The following CDK6 variants were observed in gnomAD, a reference collection of about 807,000 sequenced individuals.
CDK6 encodes cyclin dependent kinase 6.
A neutral mutation model predicts 37.1 loss-of-function variants in CDK6; 6 were observed. That is an observed-to-expected ratio of 0.16 (90% CI 0.09 to 0.32). CDK6 has a LOEUF of 0.32. CDK6 is among the 10% of genes least tolerant of loss of function. CDK6 has a pLI of 1.00. For synonymous variants in CDK6, 160 were observed against 161.3 expected, an observed-to-expected ratio of 0.99 and a Z score of 0.06; for missense variants, 224 against 418.9, an observed-to-expected ratio of 0.53 and a Z score of 4.06.
intron 2 of CDK6, among the ~76,000 whole-genome samples, chr7:92,830,036 C>T (rs1220671618): frequency 1.3e-5 from 2 of 152,172 alleles, no homozygotes; most frequent in African/African-American, 4.8e-5. Flanking sequence ...AATTTTATCT[C>T]TATTGTTTTT....
At chr7:92,822,894 C>T (rs1168185046) in intron 2 of CDK6, among the ~76,000 whole-genome samples, 1 of 151,956 alleles carries the variant, frequency 6.6e-6, no homozygotes, top group Non-Finnish European at 1.5e-5. Flanking sequence ...TATCAAGAAA[C>T]TTCAGATCTA....
intron 2 of CDK6, among the ~76,000 whole-genome samples, chr7:92,785,404 T>C (rs1800102301): frequency 6.6e-6 from 1 of 152,084 alleles, no homozygotes; most frequent in South Asian, 2.1e-4. Flanking sequence ...TGTGGAGGAA[T>C]GGGGACTGAT....
intron 3 of CDK6, among the ~76,000 whole-genome samples, chr7:92,731,865 T>A (rs1798659272): frequency 6.6e-6 from 1 of 152,164 alleles, no homozygotes; most frequent in Admixed American, 6.5e-5. Flanking sequence ...TACCTCATCA[T>A]AATGGCTATT....
At chr7:92,745,510 G>A (rs1584043998) in intron 3 of CDK6, among the ~76,000 whole-genome samples, 1 of 152,104 alleles carries the variant, frequency 6.6e-6, no homozygotes, top group African/African-American at 2.4e-5. Context: ...TGATGCCTGC[G>A]AACAGTGACT....
At chr7:92,741,069 T>G (rs548773825) in intron 3 of CDK6, among the ~76,000 whole-genome samples, 1 of 152,180 alleles carries the variant, frequency 6.6e-6, no homozygotes, top group African/African-American at 2.4e-5. Context: ...AGTAAAAAAA[T>G]GAAGACAGCT....
At chr7:92,731,545 CA>C (rs1798650258) in intron 3 of CDK6, among the ~76,000 whole-genome samples, 1 of 152,152 alleles carries the variant, frequency 6.6e-6, no homozygotes, top group Non-Finnish European at 1.5e-5. Flanking sequence ...TCAGGAGAAA[CA>C]AAGGCATGGG....
chr7:92,617,893 A>G (rs1228391968), intron 7 of CDK6, among the ~76,000 whole-genome samples, 179 bp downstream of exon 7: 1 of 152,240 alleles, frequency 6.6e-6, no homozygotes, highest in Non-Finnish European at 1.5e-5. Context: ...AAAAGCCACC[A>G]GCTGCTACAA....
intron 3 of CDK6, among the ~76,000 whole-genome samples, chr7:92,752,526 G>A (rs546872521): frequency 6.6e-6 from 1 of 152,306 alleles, no homozygotes; most frequent in East Asian, 1.9e-4. Context: ...TTTTTCCCAT[G>A]AGAACTCAGT....
chr7:92,619,314 A>G (rs1795752715), intron 6 of CDK6, among the ~76,000 whole-genome samples: 1 of 152,214 alleles, frequency 6.6e-6, no homozygotes. Flanking sequence ...TATACATTGT[A>G]TAGATATTAT....
intron 4 of CDK6, among the ~76,000 whole-genome samples, chr7:92,713,879 A>G (rs1798159781): frequency 6.6e-6 from 1 of 152,186 alleles, no homozygotes; most frequent in Non-Finnish European, 1.5e-5. Flanking sequence ...ATGGATGCAG[A>G]TACAAACCAC....
intron 4 of CDK6, among the ~76,000 whole-genome samples, chr7:92,682,625 G>A (rs940688286): frequency 6.6e-6 from 1 of 152,176 alleles, no homozygotes; most frequent in Non-Finnish European, 1.5e-5. Flanking sequence ...TATAAAGCAA[G>A]CATAAAATAA....
chr7:92,744,885 C>A (rs1391265275), intron 3 of CDK6, among the ~76,000 whole-genome samples: 1 of 151,986 alleles, frequency 6.6e-6, no homozygotes, highest in Non-Finnish European at 1.5e-5. Flanking sequence ...TAGTACACTG[C>A]AAGAGACTCA....
intron 3 of CDK6, among the ~76,000 whole-genome samples, chr7:92,729,464 A>G (rs536588592): frequency 6.6e-6 from 1 of 151,998 alleles, no homozygotes; most frequent in Non-Finnish European, 1.5e-5. Context: ...TGGGACCCTC[A>G]CTCTATCTTT....
intron 6 of CDK6, among the ~76,000 whole-genome samples, chr7:92,619,829 T>C (rs904947952): frequency 6.6e-6 from 1 of 151,832 alleles, no homozygotes; most frequent in South Asian, 2.1e-4. Flanking sequence ...TAAATAGAAA[T>C]GACAATGAGC....
At chr7:92,825,662 G>A (rs995858878) in intron 2 of CDK6, among the ~76,000 whole-genome samples, 7 of 152,044 alleles carry the variant, frequency 4.6e-5, no homozygotes, top group African/African-American at 1.4e-4. Context: ...GAAATTATTA[G>A]GAAGGTTTTA....
rs1800004739 is a variant in CDK6, at chr7:92,782,000, G to GT, written c.234-7170dup. 3.3e-5 allele frequency among the ~76,000 whole-genome samples: 5 copies of GT among 152,220 alleles called. No individual in the cohort carries two copies. The South Asian group carries it at 1.0e-3, about 32-fold the overall frequency. The stretch of plus-strand genomic sequence containing the variant: ...ACTTATTCTCAACCAGCACCAAATG[G>GT]TATAGCTCCAGGAGTATTTGCCACC... On this transcript the variant is annotated intron_variant, in intron 2 of 7. Transcript: ENST00000424848.
At chr7:92,724,951 T>G (rs1389206464) in intron 4 of CDK6, 2 of 888,218 alleles carry the variant, frequency 2.3e-6, no homozygotes, top group Admixed American at 1.2e-4. Flanking sequence ...TGAGAAATAA[T>G]GAACTATATG....
At chr7:92,623,505 T>C (rs1052898644) in intron 5 of CDK6, among the ~76,000 whole-genome samples, 5 of 152,196 alleles carry the variant, frequency 3.3e-5, no homozygotes, top group Non-Finnish European at 7.3e-5. Flanking sequence ...ATCAGAGTAC[T>C]TCCTCATGGG....
intron 3 of CDK6, among the ~76,000 whole-genome samples, chr7:92,736,289 C>T (rs1773518788): frequency 1.3e-5 from 2 of 151,972 alleles, no homozygotes; most frequent in African/African-American, 4.8e-5. Context: ...AAATTGCTAC[C>T]ACTTATTCAA....
Sources: gnomAD v4.1 joint callset for allele counts (sites outside exome capture counted in the v4.1 genomes callset) on GRCh38, gnomAD v4.1.1 for gene constraint, MANE v1.5 for transcripts, NCBI Gene and HGNC (gene_info 2026-07-23, HGNC 2026-07-21) for gene names.